Variants in ECE1 observed in about 807,000 individuals in gnomAD.
ECE1 encodes the protein endothelin-converting enzyme 1.
ECE1 carries 35 observed loss-of-function variants against 98.6 expected under a neutral mutation model. The observed-to-expected ratio is 0.35, with a 90% CI of 0.27 to 0.47. The LOEUF is 0.47. Ranked by LOEUF, ECE1 falls within the 20% of genes least tolerant of loss-of-function variation. The pLI is 1.00. For missense variants in ECE1, 814 were observed against 1,025.3 expected (o/e 0.79, Z 2.81); for synonymous variants, 394 against 407.1 (o/e 0.97, Z 0.39).
chr1:21,318,204 G>A (rs1638874217), intron 1 of ECE1, among the ~76,000 whole-genome samples: 1 of 152,200 alleles, frequency 6.6e-6, no homozygotes, highest in South Asian at 2.1e-4. Context: ...TGGGGAGCAG[G>A]AGGCCCTCGT....
intron 1 of ECE1, among the ~76,000 whole-genome samples, chr1:21,332,759 A>C (rs1569779913): frequency 2.7e-5 from 1 of 36,548 alleles, no homozygotes; most frequent in Non-Finnish European, 4.7e-5. Flanking sequence ...GGGGAGGGGG[A>C]GAAAGATTTC....
intron 1 of ECE1, among the ~76,000 whole-genome samples, chr1:21,318,222 C>T (rs1033910330): frequency 2.0e-5 from 3 of 152,146 alleles, no homozygotes; most frequent in African/African-American, 7.2e-5. Context: ...CGTGTGGACT[C>T]GCAGAGACCC....
intron 9 of ECE1, among the ~76,000 whole-genome samples, chr1:21,246,514 A>G (rs2098203861): frequency 6.9e-6 from 1 of 145,174 alleles, no homozygotes; most frequent in Admixed American, 6.9e-5. Context: ...AAAAAAAAAA[A>G]GAAAAGAAAA....
upstream of ECE1, among the ~76,000 whole-genome samples, chr1:21,291,102 T>C (rs1404407984): frequency 6.6e-6 from 1 of 152,060 alleles, no homozygotes; most frequent in Non-Finnish European, 1.5e-5. Context: ...CTTTCCCATC[T>C]TCCCCCTCAA....
intron 8 of ECE1, 138 bp from the exon 9 acceptor site, chr1:21,247,501 A>G (rs1573961874): frequency 4.6e-6 from 6 of 1,300,294 alleles, no homozygotes; most frequent in Non-Finnish European, 6.5e-6. Context: ...CAGAGAGTCA[A>G]GCGGAGCCTG....
chr1:21,227,022 C>A (rs1573931716), intron 16 of ECE1, 137 bp downstream of exon 16: 1 of 818,198 alleles, frequency 1.2e-6, no homozygotes. Flanking sequence ...TCATGCACAG[C>A]CTAATTTTTT....
intron 13 of ECE1, among the ~76,000 whole-genome samples, chr1:21,234,905 C>G (rs2098186168): frequency 6.6e-6 from 1 of 152,236 alleles, no homozygotes; most frequent in Non-Finnish European, 1.5e-5. Context: ...TCATGACACT[C>G]TGGAGCATCT....
intron 1 of ECE1, among the ~76,000 whole-genome samples, chr1:21,300,090 G>A (rs1445574934): frequency 6.6e-6 from 1 of 152,256 alleles, no homozygotes; most frequent in African/African-American, 2.4e-5. Flanking sequence ...TCTAAGCTGA[G>A]ATCAGGGTCG....
chr1:21,258,622 G>T lies in ECE1; in HGVS notation c.762+71C>A. On this transcript the variant is annotated intron_variant, in intron 6 of 18. Coordinates refer to ENST00000374893, the MANE Select transcript of ECE1 (RefSeq NM_001397.3). This position sits in a 1 kb window ranked among gnomAD's most constrained non-coding sequence, Gnocchi z 4.2. ...AGGGCAAGCCCCTCTCCCACCCCAG[G>T]TCCTGCTAAACTCAAAACAGGAAGA... is the stretch of plus-strand genomic sequence containing the variant. The T allele has an allele frequency of 6.4e-7, 1 of 1,570,880 alleles. No individual in the cohort carries two copies. Among genetic ancestry groups the T allele is most frequent in the Non-Finnish European group, 8.7e-7 (1 of 1,150,034 alleles).
At chr1:21,310,668 C>T (rs533648147) in intron 1 of ECE1, among the ~76,000 whole-genome samples, 3 of 152,194 alleles carry the variant, frequency 2.0e-5, no homozygotes, top group East Asian at 1.9e-4. Context: ...CCCGAGCTTC[C>T]AGGGATGATT....
At chr1:21,272,998 C>T (rs1174503615) in intron 3 of ECE1, 87 bp from the exon 4 acceptor site, 17 of 1,431,090 alleles carry the variant, frequency 1.2e-5, no homozygotes, top group Non-Finnish European at 1.7e-5. Context: ...GCCCAGGGGC[C>T]ACATGTCCCA....
chr1:21,287,193 A>G (rs1330877525), intron 2 of ECE1, among the ~76,000 whole-genome samples: 1 of 152,210 alleles, frequency 6.6e-6, no homozygotes, highest in Non-Finnish European at 1.5e-5. Context: ...CATCAAGAGA[A>G]AAGATTTGGG....
chr1:21,328,576 A>C (rs1639131198), intron 1 of ECE1, among the ~76,000 whole-genome samples: 2 of 152,140 alleles, frequency 1.3e-5, no homozygotes, highest in South Asian at 4.1e-4. Flanking sequence ...AGCCTGGCCA[A>C]CATGGTGAAA....
At chr1:21,323,307 G>A (rs1639002451) in intron 1 of ECE1, among the ~76,000 whole-genome samples, 1 of 152,102 alleles carries the variant, frequency 6.6e-6, no homozygotes, top group African/African-American at 2.4e-5. Context: ...GAGGGTTATG[G>A]ATCAAAATAC....
intron 1 of ECE1, chr1:21,299,100 A>C: frequency 3.0e-6 from 1 of 336,086 alleles, no homozygotes; most frequent in Non-Finnish European, 6.0e-6. Context: ...GACAAAGTTA[A>C]CCCGTCTCAT....
rs527473746 is a variant in ECE1, at chr1:21,257,461, G to T, written c.828+64C>A. ...GCTTCAAAGACCTGCACAGGTGTGG[G>T]TGTGGACACGGAGCAGGAAGGACCG... is the stretch of plus-strand genomic sequence containing the variant. On this transcript the variant is annotated intron_variant, in intron 7 of 18. Transcript: ENST00000374893. 10 of 1,565,704 alleles carry T rather than the reference G, an allele frequency of 6.4e-6. No individual in the cohort carries two copies. In the African/African-American group the frequency reaches 1.3e-4, roughly 21 times the overall value.
At chr1:21,237,371 T>C (rs1310869001) in intron 11 of ECE1, among the ~76,000 whole-genome samples, 3 of 152,014 alleles carry the variant, frequency 2.0e-5, no homozygotes, top group Admixed American at 2.0e-4. Context: ...TTGAAGGTTC[T>C]AGAGAAGGGG....
intron 2 of ECE1, among the ~76,000 whole-genome samples, chr1:21,286,660 G>A (rs1467332649): frequency 3.3e-5 from 5 of 152,062 alleles, no homozygotes; most frequent in African/African-American, 9.7e-5. Context: ...GGTTAGGCAC[G>A]GTGGCTGTAA....
rs748491843 is a variant in ECE1, at chr1:21,290,025, G to C, written c.138+45C>G. 8.9e-7 allele frequency: 1 copy of C among 1,128,688 alleles called. No homozygotes were observed. Among genetic ancestry groups the C allele is most frequent in the Non-Finnish European group, 1.1e-6 (1 of 903,322 alleles). 69.9% of individuals were successfully genotyped at this position (1,128,688 alleles called of 1,614,324 possible). ...CGCGGCAGCGGCAGCGCGCATGCCC[G>C]GGCCCGGGGCGCCTGGACCTCGGGA... On this transcript the variant is annotated intron_variant, in intron 2 of 18. Coordinates refer to ENST00000374893, the MANE Select transcript of ECE1 (RefSeq NM_001397.3). The surrounding 1 kb of genome is among the most constrained non-coding windows in gnomAD (Gnocchi z 7.3).
Sources: gnomAD v4.1 joint callset for allele counts (sites outside exome capture counted in the v4.1 genomes callset) on GRCh38, gnomAD v4.1.1 for gene constraint, Gnocchi (gnomAD v3.1) non-coding constraint, MANE v1.5 for transcripts, NCBI Gene and HGNC (gene_info 2026-07-23, HGNC 2026-07-21) for gene names.